The following TGFA variants were observed in gnomAD, a reference collection of about 807,000 sequenced individuals.
TGFA encodes the protein transforming growth factor alpha.
Under a neutral mutation model 21.7 loss-of-function variants are expected in TGFA, and 12 were observed. The ratio of observed to expected loss-of-function variants is 0.55; its 90% CI spans 0.35 to 0.90. TGFA has a LOEUF of 0.90. TGFA is among the 40% of genes least tolerant of loss of function. The pLI is 0.01. For synonymous variants in TGFA, 79 were observed against 88.1 expected, an observed-to-expected ratio of 0.90 and a Z score of 0.58; for missense variants, 178 against 210.8, an observed-to-expected ratio of 0.84 and a Z score of 0.96.
chr2:70,455,922 C>T (rs782254102), intron 4 of TGFA, among the ~76,000 whole-genome samples: 2 of 152,204 alleles, frequency 1.3e-5, no homozygotes, highest in Non-Finnish European at 2.9e-5. Context: ...GTAACAGCAA[C>T]AATGGCCCTC....
intron 4 of TGFA, 30 bp downstream of exon 4, chr2:70,456,309 G>T (rs1553490491): frequency 6.5e-6 from 10 of 1,532,456 alleles, no homozygotes; most frequent in Non-Finnish European, 8.8e-6. Flanking sequence ...GTGGGCAGGG[G>T]ACCTGGCCTT....
At chr2:70,471,403 ATGAGCCAGCTCCAGGAGG>A (rs1553493239) in intron 2 of TGFA, among the ~76,000 whole-genome samples, 235 of 152,292 alleles carry the variant, frequency 1.5e-3, no homozygotes, top group African/African-American at 5.5e-3. Context: ...CACCCTTAGG[ATGAGCCAGCTCCAGGAGG>A]GGCAGCACTG....
chr2:70,535,481 T>C (rs1672945613), intron 1 of TGFA, among the ~76,000 whole-genome samples: 2 of 152,228 alleles, frequency 1.3e-5, no homozygotes. Flanking sequence ...TTCATTCCAT[T>C]GCCTCTATAA....
rs937661220 is a variant in TGFA, at chr2:70,487,260, G to A, written c.95-21524C>T. On this transcript the variant is annotated intron_variant, in intron 2 of 5. Coordinates refer to ENST00000295400, the MANE Select transcript of TGFA (RefSeq NM_003236.4). ...CTGTGTGCCCAACAGGGAATAAAAC[G>A]ATACTACTCATGAACACTTCCCCAA... 7.2e-5 allele frequency among the ~76,000 whole-genome samples: 11 copies of A among 152,246 alleles called. No individual in the cohort carries two copies. In the East Asian group the frequency reaches 2.1e-3, roughly 29 times the overall value.
chr2:70,471,938 C>G (rs1422035203), intron 2 of TGFA, among the ~76,000 whole-genome samples: 1 of 152,054 alleles, frequency 6.6e-6, no homozygotes, highest in East Asian at 1.9e-4. Flanking sequence ...TGGTATCTTT[C>G]CTAAGAATGA....
intron 2 of TGFA, among the ~76,000 whole-genome samples, chr2:70,501,102 G>A (rs56189911): frequency 0.28 from 43,191 of 151,908 alleles, 7,075 homozygotes; most frequent in East Asian, 0.39. Flanking sequence ...TTTGTTATGC[G>A]ATGAGGGTCT....
At chr2:70,472,882 G>A (rs895953424) in intron 2 of TGFA, among the ~76,000 whole-genome samples, 23 of 152,224 alleles carry the variant, frequency 1.5e-4, no homozygotes, top group African/African-American at 5.1e-4. Context: ...TAATCATGAC[G>A]TCTGGCTTTT....
At chr2:70,517,104 T>G (rs1478945292) in intron 1 of TGFA, among the ~76,000 whole-genome samples, 1 of 152,228 alleles carries the variant, frequency 6.6e-6, no homozygotes, top group Non-Finnish European at 1.5e-5. Flanking sequence ...TGGGGCAAAT[T>G]ACTTCACCTT....
intron 1 of TGFA, among the ~76,000 whole-genome samples, chr2:70,536,331 A>T (rs1672968061): frequency 6.6e-6 from 1 of 152,202 alleles, no homozygotes; most frequent in African/African-American, 2.4e-5. Flanking sequence ...CTCTAGCAGA[A>T]GTGGTTAGAT....
chr2:70,539,982 G>A (rs2103929492), intron 1 of TGFA, among the ~76,000 whole-genome samples: 1 of 152,262 alleles, frequency 6.6e-6, no homozygotes, highest in South Asian at 2.1e-4. Flanking sequence ...GAATGTGGAG[G>A]ATTGCAGGCC....
At chr2:70,473,220 C>G (rs535317001) in intron 2 of TGFA, among the ~76,000 whole-genome samples, 19 of 152,044 alleles carry the variant, frequency 1.2e-4, no homozygotes, top group African/African-American at 4.3e-4. Flanking sequence ...GGAGGTGATG[C>G]GTGAACCTGC....
chr2:70,534,326 A>G (rs1214484180), intron 1 of TGFA, among the ~76,000 whole-genome samples: 1 of 152,200 alleles, frequency 6.6e-6, no homozygotes, highest in Non-Finnish European at 1.5e-5. Flanking sequence ...AAGAACTAAA[A>G]GTGTTAAAGT....
chr2:70,529,834 G>C (rs1357114384), intron 1 of TGFA, among the ~76,000 whole-genome samples: 1 of 152,204 alleles, frequency 6.6e-6, no homozygotes, highest in Non-Finnish European at 1.5e-5. Context: ...GGCACAAGTG[G>C]GAACTGGAAG....
intron 2 of TGFA, among the ~76,000 whole-genome samples, chr2:70,484,957 A>G (rs554085854): frequency 6.6e-6 from 1 of 152,288 alleles, no homozygotes; most frequent in East Asian, 1.9e-4. Context: ...CTTGTCACCA[A>G]TTCTCCAGTG....
chr2:70,528,384 C>T (rs930647633), intron 1 of TGFA, among the ~76,000 whole-genome samples: 6 of 152,036 alleles, frequency 3.9e-5, no homozygotes, highest in African/African-American at 1.2e-4. Context: ...CTGGGCTGCC[C>T]TGTACCCCAA....
chr2:70,528,963 G>GA (rs1225763314), intron 1 of TGFA, among the ~76,000 whole-genome samples: 7 of 152,194 alleles, frequency 4.6e-5, no homozygotes, highest in Non-Finnish European at 1.0e-4. Flanking sequence ...CACTGGGTGG[G>GA]ACGAGGGGGG....
At chr2:70,488,970 A>AGCCCT (rs1352199024) in intron 2 of TGFA, among the ~76,000 whole-genome samples, 1 of 152,220 alleles carries the variant, frequency 6.6e-6, no homozygotes, top group Non-Finnish European at 1.5e-5. Context: ...CCAGCCACCA[A>AGCCCT]GCCCTGCTAT....
At chr2:70,467,651 T>TTTTTTGGGGA (rs1670609883) in intron 2 of TGFA, 1 of 140,544 alleles carries the variant, frequency 7.1e-6, no homozygotes, top group African/African-American at 2.5e-5. Context: ...CTTGCCCACT[T>TTTTTTGGGGA]AGTTTTTTTG....
chr2:70,532,644 T>G (rs1553503848), intron 1 of TGFA, among the ~76,000 whole-genome samples: 1 of 152,226 alleles, frequency 6.6e-6, no homozygotes, highest in East Asian at 1.9e-4. Flanking sequence ...CTCCTACGCC[T>G]GTGGTTCATT....
Sources: gnomAD v4.1 joint callset for allele counts (sites outside exome capture counted in the v4.1 genomes callset) on GRCh38, gnomAD v4.1.1 for gene constraint, MANE v1.5 for transcripts, NCBI Gene and HGNC (gene_info 2026-07-23, HGNC 2026-07-21) for gene names.